ADRA1B: variants seen among roughly 807,000 people sequenced by gnomAD.
ADRA1B encodes the protein adrenoceptor alpha 1B.
In ADRA1B, 17 loss-of-function variants were observed where a neutral mutation model predicts 17.9. The observed-to-expected ratio is 0.95, with a 90% CI of 0.65 to 1.42. ADRA1B has a LOEUF of 1.42. Ranked by LOEUF, ADRA1B falls within the 40% of genes most tolerant of loss-of-function variation. The pLI, the probability that ADRA1B is intolerant of heterozygous loss-of-function variation, is 0.00. For missense variants in ADRA1B, 681 were observed against 722.1 expected, an observed-to-expected ratio of 0.94 and a Z score of 0.65; for synonymous variants, 366 against 327.6, an observed-to-expected ratio of 1.12 and a Z score of -1.27.
downstream of ADRA1B, among the ~76,000 whole-genome samples, chr5:159,976,649 CAAA>C (rs778613423): frequency 3.0e-5 from 3 of 100,326 alleles, no homozygotes; most frequent in Admixed American, 1.1e-4. Context: ...CTCACTGTCT[CAAA>C]AAAAAAAAAA....
chr5:159,951,458 A>G lies in ADRA1B; in HGVS notation c.950-20421A>G, dbSNP rs193049761. Reference sequence around the variant, plus strand: ...AGCTGCCCTGGTGAGCAGGTGCCCAATACATCCAAATCCGTTGACTCCAGC... The same window carrying G: ...AGCTGCCCTGGTGAGCAGGTGCCCAGTACATCCAAATCCGTTGACTCCAGC... On this transcript the variant is annotated intron_variant, in intron 1 of 1. Coordinates refer to ENST00000306675, the MANE Select transcript of ADRA1B (RefSeq NM_000679.4). 1.8e-5 allele frequency: 13 copies of G among 731,928 alleles called. No homozygotes were observed. In the East Asian group the frequency reaches 3.3e-4, roughly 19 times the overall value. The allele number at this position is 731,928 out of a possible 1,614,324, so 45.3% of individuals were successfully genotyped here. A position where few individuals can be genotyped will look rare whatever the true frequency, so the allele number is the denominator to read the frequency against.
downstream of ADRA1B, among the ~76,000 whole-genome samples, chr5:159,973,118 A>G (rs1755918957): frequency 6.6e-6 from 1 of 151,932 alleles, no homozygotes; most frequent in East Asian, 1.9e-4. Flanking sequence ...TTCGCTTTCC[A>G]TTCCCCTGCC....
intron 1 of ADRA1B, among the ~76,000 whole-genome samples, chr5:159,901,334 A>T (rs888341085): frequency 1.3e-5 from 2 of 148,310 alleles, no homozygotes; most frequent in Non-Finnish European, 3.0e-5. Flanking sequence ...AGCACAGCCA[A>T]ATAAGTCAAA....
intron 1 of ADRA1B, among the ~76,000 whole-genome samples, chr5:159,962,105 G>A (rs1026978733): frequency 6.6e-6 from 1 of 152,208 alleles, no homozygotes; most frequent in African/African-American, 2.4e-5. Flanking sequence ...AGCTGAAGCA[G>A]GAGAATCACT....
At chr5:159,943,213 GA>G (rs11304091) in intron 1 of ADRA1B, among the ~76,000 whole-genome samples, 38,342 of 137,806 alleles carry the variant, frequency 0.28, 4,970 homozygotes, top group East Asian at 0.41. Flanking sequence ...CTCTGTCTCA[GA>G]AAAAAAAAAA....
At chr5:159,872,573 G>A (rs1430296904) in intron 1 of ADRA1B, among the ~76,000 whole-genome samples, 1 of 152,190 alleles carries the variant, frequency 6.6e-6, no homozygotes. Context: ...TGGTGAGTAT[G>A]AGTGTGGACT....
the ADRA1B span, among the ~76,000 whole-genome samples, chr5:159,981,592 T>C: frequency 1.3e-5 from 2 of 152,230 alleles, no homozygotes; most frequent in Admixed American, 6.5e-5. Context: ...GCCTTCCAGG[T>C]TCACACCATT....
chr5:159,951,358 C>T lies in ADRA1B; in HGVS notation c.950-20521C>T, dbSNP rs187914095. ...AATTTGCCATGGGTGGAATCATACT[C>T]GAACATGTAAACCATGTAGTTGAGG... is the stretch of plus-strand genomic sequence containing the variant. On this transcript the variant is annotated intron_variant, in intron 1 of 1. Transcript: ENST00000306675. 1,254 of 1,080,564 alleles carry T rather than the reference C, an allele frequency of 1.2e-3. 4 individuals carry two copies. Among genetic ancestry groups the T allele is most frequent in the Middle Eastern group, 2.3e-3 (8 of 3,446 alleles). The allele number at this position is 1,080,564 out of a possible 1,614,324, so 66.9% of individuals were successfully genotyped here. A position where few individuals can be genotyped will look rare whatever the true frequency, so the allele number is the denominator to read the frequency against.
intron 1 of ADRA1B, among the ~76,000 whole-genome samples, chr5:159,905,943 G>A (rs1469393321): frequency 6.6e-6 from 1 of 151,240 alleles, no homozygotes; most frequent in African/African-American, 2.4e-5. Flanking sequence ...TGCAACTTCC[G>A]CCTCCCAGGT....
intron 1 of ADRA1B, among the ~76,000 whole-genome samples, chr5:159,933,433 G>A (rs139363040): frequency 6.6e-6 from 1 of 152,234 alleles, no homozygotes; most frequent in East Asian, 1.9e-4. Flanking sequence ...CATCCACAAA[G>A]TCTGTTTCAA....
intron 1 of ADRA1B, among the ~76,000 whole-genome samples, chr5:159,896,264 T>C (rs1037556874): frequency 7.2e-5 from 11 of 152,124 alleles, no homozygotes; most frequent in Non-Finnish European, 1.6e-4. Flanking sequence ...TAAAAATAAA[T>C]AAACAAGCTA....
At chr5:159,872,371 C>A (rs1276785538) in intron 1 of ADRA1B, among the ~76,000 whole-genome samples, 1 of 152,168 alleles carries the variant, frequency 6.6e-6, no homozygotes, top group Non-Finnish European at 1.5e-5. Context: ...CAGCTAGAAG[C>A]CAGCTGATGC....
intron 1 of ADRA1B, among the ~76,000 whole-genome samples, chr5:159,911,313 T>C (rs941815901): frequency 6.6e-6 from 1 of 152,208 alleles, no homozygotes. Context: ...CTGTTTACAC[T>C]GTCCCACCAG....
intron 1 of ADRA1B, among the ~76,000 whole-genome samples, chr5:159,899,401 C>G (rs1201565370): frequency 6.6e-6 from 1 of 151,992 alleles, no homozygotes; most frequent in Non-Finnish European, 1.5e-5. Context: ...TAAGTCTGGG[C>G]TCAGTGGGAA....
rs147731634 is a variant in ADRA1B, at chr5:159,877,113, G to T, written c.-256+11907G>T. Among the ~76,000 whole-genome samples, 40 of 152,276 alleles carry T rather than the reference G, an allele frequency of 2.6e-4. No homozygotes were observed. The East Asian group carries it at 7.7e-3, about 29-fold the overall frequency. On this transcript the variant is annotated intron_variant, in intron 1 of 2. Transcript: ENST00000641205. ...AAAAGGACTGATGATGTGTTTTCTG[G>T]AATGGGAGCCTCAGTTCATAAATCA...
Position 159,950,514 on chromosome 5 carries a change from G to A in ADRA1B, c.950-21365G>A, listed in dbSNP as rs1755405529. The A allele has an allele frequency of 4.6e-6, 7 of 1,514,694 alleles. No individual in the cohort carries two copies. In the South Asian group the frequency reaches 6.7e-5, roughly 15 times the overall value. 93.8% of individuals were successfully genotyped at this position (1,514,694 alleles called of 1,614,324 possible). A position where few individuals can be genotyped will look rare whatever the true frequency, so the allele number is the denominator to read the frequency against. Reference sequence around the variant, plus strand: ...GGTGTTACTCCTTGGAGGCTATGTGGGCCATGAGGTCCACCACCCTGTTGC... The same window carrying A: ...GGTGTTACTCCTTGGAGGCTATGTGAGCCATGAGGTCCACCACCCTGTTGC... On this transcript the variant is annotated intron_variant, in intron 1 of 1. Coordinates refer to ENST00000306675, the MANE Select transcript of ADRA1B (RefSeq NM_000679.4).
intron 1 of ADRA1B, among the ~76,000 whole-genome samples, chr5:159,938,896 A>G (rs1002956519): frequency 3.3e-5 from 5 of 152,212 alleles, no homozygotes; most frequent in African/African-American, 9.6e-5. Flanking sequence ...AAGAGACTCT[A>G]TCTAAATTTG....
the ADRA1B span, among the ~76,000 whole-genome samples, chr5:159,978,778 G>A: frequency 6.6e-6 from 1 of 152,180 alleles, no homozygotes; most frequent in Non-Finnish European, 1.5e-5. Context: ...AGAGGAAAAC[G>A]CTAAAACCTA....
chr5:159,883,973 G>T (rs953089206), intron 1 of ADRA1B, among the ~76,000 whole-genome samples: 1 of 152,194 alleles, frequency 6.6e-6, no homozygotes, highest in Non-Finnish European at 1.5e-5. Context: ...ACTTTTACTT[G>T]ACCCAGGCCA....
Sources: gnomAD v4.1 joint callset for allele counts (sites outside exome capture counted in the v4.1 genomes callset) on GRCh38, gnomAD v4.1.1 for gene constraint, MANE v1.5 for transcripts, NCBI Gene and HGNC (gene_info 2026-07-23, HGNC 2026-07-21) for gene names.